Variants in PHC2 observed in about 807,000 individuals in gnomAD.
The protein encoded by PHC2 is polyhomeotic-like protein 2.
A neutral mutation model predicts 87.4 loss-of-function variants in PHC2; 29 were observed. That is an observed-to-expected ratio of 0.33 (90% CI 0.25 to 0.45). The LOEUF is 0.45. Among genes scored for constraint, PHC2 ranks in the 20% least tolerant of loss-of-function variants. The pLI, the probability that PHC2 is intolerant of heterozygous loss-of-function variation, is 1.00. For missense variants in PHC2, 857 were observed against 1,136.7 expected (o/e 0.75, Z 3.54); for synonymous variants, 438 against 461.7 (o/e 0.95, Z 0.66).
intron 1 of PHC2, among the ~76,000 whole-genome samples, chr1:33,404,905 C>T (rs1051930454): frequency 4.6e-5 from 7 of 152,138 alleles, no homozygotes; most frequent in African/African-American, 1.4e-4. Context: ...CATTACTTTG[C>T]ATTAGTTGGT....
intron 1 of PHC2, among the ~76,000 whole-genome samples, chr1:33,410,230 C>T (rs1223661620): frequency 6.6e-6 from 1 of 152,164 alleles, no homozygotes; most frequent in Admixed American, 6.5e-5. Flanking sequence ...TTACTCTTCC[C>T]CTCTGGTTGG....
intron 7 of PHC2, among the ~76,000 whole-genome samples, chr1:33,358,149 G>A (rs1647128080): frequency 6.6e-6 from 1 of 152,100 alleles, no homozygotes; most frequent in South Asian, 2.1e-4. Flanking sequence ...TTAATAAGGA[G>A]GAAAAAGGAT....
At chr1:33,430,020 A>G (rs1650835818) in intron 1 of PHC2, among the ~76,000 whole-genome samples, 1 of 152,018 alleles carries the variant, frequency 6.6e-6, no homozygotes, top group Admixed American at 6.5e-5. Context: ...TACCATTTCT[A>G]TTGTCGCAAA....
intron 9 of PHC2, chr1:33,346,710 G>C: frequency 1.0e-6 from 1 of 985,298 alleles, no homozygotes; most frequent in Non-Finnish European, 1.2e-6. Flanking sequence ...GTGAGGAGGT[G>C]GGGGAACTTT....
chr1:33,338,567 A>C (rs1557821864), intron 9 of PHC2, among the ~76,000 whole-genome samples: 1 of 152,216 alleles, frequency 6.6e-6, no homozygotes, highest in African/African-American at 2.4e-5. Flanking sequence ...AGCTCAGCAC[A>C]CTGAGATTAA....
chr1:33,430,902 G>T (rs1285050195), intron 1 of PHC2, 74 bp downstream of exon 1: 2 of 150,632 alleles, frequency 1.3e-5, no homozygotes, highest in Admixed American at 6.6e-5. Context: ...AGCCGGCAGC[G>T]CGGCGGCCGG....
intron 1 of PHC2, among the ~76,000 whole-genome samples, chr1:33,391,891 C>T (rs1159918179): frequency 6.6e-6 from 1 of 152,028 alleles, no homozygotes; most frequent in East Asian, 1.9e-4. Flanking sequence ...TGTAGCAAGC[C>T]AATGAAGTAT....
intron 2 of PHC2, 72 bp downstream of exon 2, chr1:33,375,294 T>C (rs997150084): frequency 2.3e-5 from 30 of 1,292,848 alleles, no homozygotes; most frequent in Middle Eastern, 2.0e-4. Flanking sequence ...CACCAGACCA[T>C]GCCAACACCT....
chr1:33,415,409 T>C lies in PHC2; in HGVS notation c.-55+15567A>G, dbSNP rs564793279. On this transcript the variant is annotated intron_variant, in intron 1 of 14. Coordinates refer to ENST00000683057, the MANE Select transcript of PHC2 (RefSeq NM_001385109.1). ...ATTAGATACAACCCCCAGAAGAATA[T>C]TGACAAAGTAGTGAGGGCTAAATTG... is the stretch of plus-strand genomic sequence containing the variant. Among the ~76,000 whole-genome samples the C allele has an allele frequency of 7.2e-5, 11 of 152,278 alleles. 1 individual carries two copies. The highest frequency in any genetic ancestry group is 2.2e-4 in the African/African-American group (9 of 41,552).
chr1:33,403,121 CACT>C (rs1649613769), intron 1 of PHC2, among the ~76,000 whole-genome samples: 1 of 96,558 alleles, frequency 1.0e-5, no homozygotes, highest in South Asian at 4.0e-4. Context: ...GCGCCCGGCC[CACT>C]TTTTTTTTTT....
At chr1:33,330,724 T>A (rs939367373) in intron 12 of PHC2, among the ~76,000 whole-genome samples, 2 of 152,192 alleles carry the variant, frequency 1.3e-5, no homozygotes, top group African/African-American at 4.8e-5. Flanking sequence ...GTTGCTTCCA[T>A]TGTGGTACAA....
rs1436150920 is a variant in PHC2, at chr1:33,349,336, C to T, written c.1558+5065G>A. 14 of 985,302 alleles carry T rather than the reference C, an allele frequency of 1.4e-5. No individual in the cohort carries two copies. The highest frequency in any genetic ancestry group is 3.5e-5 in the African/African-American group (2 of 57,240). 61.0% of individuals were successfully genotyped at this position (985,302 alleles called of 1,614,324 possible). ...TGGGGCTGGGGTGGGGTGTGCGGGG[C>T]CTGGGGACGCGGAAGCTGCGGCGCG... On this transcript the variant is annotated intron_variant, in intron 9 of 14. Coordinates refer to ENST00000683057, the MANE Select transcript of PHC2 (RefSeq NM_001385109.1). This position sits in a 1 kb window ranked among gnomAD's most constrained non-coding sequence, Gnocchi z 4.2.
chr1:33,408,748 A>G (rs945024474), intron 1 of PHC2, among the ~76,000 whole-genome samples: 19 of 152,172 alleles, frequency 1.2e-4, no homozygotes, highest in Admixed American at 8.5e-4. Context: ...TACAGGCATG[A>G]GCCACCGCGC....
chr1:33,337,204 G>C (rs573822792), intron 9 of PHC2, among the ~76,000 whole-genome samples: 1 of 152,118 alleles, frequency 6.6e-6, no homozygotes, highest in Non-Finnish European at 1.5e-5. Context: ...AGTCTGGTTC[G>C]ATCTCTTGCC....
chr1:33,415,612 T>TA, intron 1 of PHC2, among the ~76,000 whole-genome samples: 1 of 152,140 alleles, frequency 6.6e-6, no homozygotes, highest in African/African-American at 2.4e-5. Context: ...TAGTCCCCCA[T>TA]AAAAAATTAC....
chr1:33,385,842 G>C (rs541135548), intron 1 of PHC2, among the ~76,000 whole-genome samples: 3 of 151,824 alleles, frequency 2.0e-5, no homozygotes, highest in Admixed American at 1.3e-4. Context: ...TCTCGCCCAG[G>C]CTGGAATGCA....
intron 1 of PHC2, among the ~76,000 whole-genome samples, chr1:33,397,377 A>G (rs551159240): frequency 2.0e-5 from 3 of 152,268 alleles, no homozygotes; most frequent in South Asian, 4.2e-4. Context: ...CCCACCCCAG[A>G]CCTGCTGAAT....
At position 33,368,431 on chromosome 1, in the gene PHC2, G is replaced by T; in HGVS notation, c.663+105C>A. On this transcript the variant is annotated intron_variant, in intron 6 of 14. Coordinates refer to ENST00000683057, the MANE Select transcript of PHC2 (RefSeq NM_001385109.1). The surrounding 1 kb of genome is among the most constrained non-coding windows in gnomAD (Gnocchi z 6.6). Reference sequence around the variant, plus strand: ...CATTGGGGTGTCCTGTCTCCCGCCTGCTTTCCTAGCTGATCCCGGCCTCTC... The same window carrying T: ...CATTGGGGTGTCCTGTCTCCCGCCTTCTTTCCTAGCTGATCCCGGCCTCTC... 2 of 649,582 alleles carry T rather than the reference G, an allele frequency of 3.1e-6. No individual in the cohort carries two copies. Among genetic ancestry groups the T allele is most frequent in the Non-Finnish European group, 5.3e-6 (2 of 379,002 alleles). The allele number at this position is 649,582 out of a possible 1,614,324, so 40.2% of individuals were successfully genotyped here. A position where few individuals can be genotyped will look rare whatever the true frequency, so the allele number is the denominator to read the frequency against.
chr1:33,401,722 A>G (rs1212279018), intron 1 of PHC2, among the ~76,000 whole-genome samples: 4 of 152,230 alleles, frequency 2.6e-5, no homozygotes, highest in Non-Finnish European at 5.9e-5. Context: ...ATTTATGAAC[A>G]CTTGCTATAT....
Sources: gnomAD v4.1 joint callset for allele counts (sites outside exome capture counted in the v4.1 genomes callset) on GRCh38, gnomAD v4.1.1 for gene constraint, Gnocchi (gnomAD v3.1) non-coding constraint, MANE v1.5 for transcripts, NCBI Gene and HGNC (gene_info 2026-07-23, HGNC 2026-07-21) for gene names.